TBC1D12: variants seen among roughly 807,000 people sequenced by gnomAD.
TBC1D12 encodes TBC1 domain family, member 12.
Under a neutral mutation model 86.7 loss-of-function variants are expected in TBC1D12, and 56 were observed. The observed-to-expected ratio is 0.65, with a 90% confidence interval of 0.52 to 0.81. The LOEUF is 0.81. Among genes scored for constraint, TBC1D12 ranks in the 30% least tolerant of loss-of-function variants. The pLI, the probability that TBC1D12 is intolerant of heterozygous loss-of-function variation, is 0.00. For synonymous variants in TBC1D12, 421 were observed against 411.7 expected (o/e 1.02, Z -0.27); for missense variants, 1,023 against 1,038.8 (o/e 0.98, Z 0.21).
rs774802428 is a variant in TBC1D12 at position 94,403,530 on chromosome 10, C to G, written c.917C>G (p.Ala306Gly). The G allele has an allele frequency of 1.3e-6, 2 of 1,533,146 alleles. No individual in the cohort carries two copies. Among genetic ancestry groups the G allele is most frequent in the African/African-American group, 2.9e-5 (2 of 69,528 alleles). 95.0% of individuals were successfully genotyped at this position (1,533,146 alleles called of 1,614,324 possible). Residue 306 changes from alanine (A) to glycine (G), a missense_variant, in exon 1 of 13, where the codon GCG (alanine) becomes GGG (glycine). Ala to Gly is a moderately conservative substitution (Grantham distance 60). This residue lies in a region of TBC1D12 where 628 missense variants were observed against 531.1 expected (regional missense o/e 1.18). Coordinates refer to ENST00000225235, the MANE Select transcript of TBC1D12 (RefSeq NM_015188.2). ...TTGCCCGCCGCGGAGCAGGGTCCTG[C>G]GGGGGCTTCGGCCCGGGCTCGACGG... is the stretch of plus-strand genomic sequence containing the variant. Reference protein sequence around the residue: ...VPLPAAEQGPAGASARARRSG... With the variant: ...VPLPAAEQGPGGASARARRSG...
chr10:94,482,914 GT>G (rs2134159471), intron 3 of TBC1D12, among the ~76,000 whole-genome samples: 1 of 151,832 alleles, frequency 6.6e-6, no homozygotes, highest in Admixed American at 6.6e-5. Context: ...ATATTTTTCT[GT>G]GCCTGGCTAT....
At chr10:94,407,419 C>T (rs1014705166) in intron 1 of TBC1D12, among the ~76,000 whole-genome samples, 3 of 152,158 alleles carry the variant, frequency 2.0e-5, no homozygotes, top group South Asian at 2.1e-4. Flanking sequence ...CAGTGGCTCA[C>T]GCCTGTAATC....
At chr10:94,447,721 A>T in intron 2 of TBC1D12, 1 of 977,990 alleles carries the variant, frequency 1.0e-6, no homozygotes, top group Non-Finnish European at 1.2e-6. Context: ...TATTTCAGTT[A>T]TATCGTAGTT....
intron 1 of TBC1D12, among the ~76,000 whole-genome samples, chr10:94,434,863 A>C (rs2055273328): frequency 1.3e-5 from 2 of 152,254 alleles, no homozygotes; most frequent in South Asian, 4.2e-4. Flanking sequence ...TTTGTCATTG[A>C]TCCATTCTGA....
chr10:94,513,038 G>A (rs1444093404), intron 9 of TBC1D12, among the ~76,000 whole-genome samples: 28 of 151,714 alleles, frequency 1.8e-4, no homozygotes, highest in Admixed American at 1.8e-3. Context: ...TCCATATTCA[G>A]GAGTTCGAGA....
At chr10:94,495,090 C>G (rs979834376) in intron 4 of TBC1D12, among the ~76,000 whole-genome samples, 10 of 151,190 alleles carry the variant, frequency 6.6e-5, no homozygotes, top group African/African-American at 2.4e-4. Flanking sequence ...GTGGCGCAAT[C>G]TCGGCTCACT....
chr10:94,434,432 G>A (rs1316572552), intron 1 of TBC1D12, among the ~76,000 whole-genome samples: 1 of 151,134 alleles, frequency 6.6e-6, no homozygotes, highest in African/African-American at 2.4e-5. Flanking sequence ...CTTGAACCCG[G>A]GAGATGGAGG....
At chr10:94,443,182 C>T (rs1452390087) in intron 2 of TBC1D12, among the ~76,000 whole-genome samples, 1 of 152,124 alleles carries the variant, frequency 6.6e-6, no homozygotes, top group African/African-American at 2.4e-5. Context: ...AAGCATAAGA[C>T]AAACAGAAGT....
intron 3 of TBC1D12, among the ~76,000 whole-genome samples, chr10:94,480,045 G>T (rs921840969): frequency 2.0e-5 from 3 of 152,126 alleles, no homozygotes; most frequent in African/African-American, 4.8e-5. Context: ...TCCACTAATC[G>T]CCTGACCTCT....
chr10:94,402,554 G>A lies in TBC1D12; in HGVS notation c.-60G>A. 2 of 1,587,966 alleles carry A rather than the reference G, an allele frequency of 1.3e-6. No homozygotes were observed. Among genetic ancestry groups the A allele is most frequent in the South Asian group, 1.1e-5 (1 of 88,062 alleles). ...GCCCCAGCACCCAGAGCTGTTCTCT[G>A]GCCAAGCCTGCGCCTGTAGTCCTTC... On this transcript the variant is annotated 5_prime_UTR_variant, in exon 1 of 13. Transcript: ENST00000225235.
rs756550254 is a variant in TBC1D12, at chr10:94,403,040, G to C, written c.427G>C (p.Gly143Arg). Residue 143 changes from glycine (G) to arginine (R), a missense_variant, in exon 1 of 13, where the codon GGC becomes CGC. Transcript: ENST00000225235. ...CAACGGCGACTCGGGTTTTCTGCCG[G>C]GCCGGGACTGTCGCGATCTGGAAGA... is the stretch of plus-strand genomic sequence containing the variant. ...MTNGDSGFLPGRDCRDLEEAR... is the reference protein window; with the variant it reads ...MTNGDSGFLPRRDCRDLEEAR... 1 of 1,564,800 alleles carries C rather than the reference G, an allele frequency of 6.4e-7. No homozygotes were observed. Among genetic ancestry groups the C allele is most frequent in the Non-Finnish European group, 8.6e-7 (1 of 1,160,136 alleles).
At chr10:94,500,019 C>T (rs1236873669) in intron 5 of TBC1D12, among the ~76,000 whole-genome samples, 4 of 152,042 alleles carry the variant, frequency 2.6e-5, no homozygotes, top group African/African-American at 9.7e-5. Flanking sequence ...TTACTGTTGC[C>T]CCTTTGGGAT....
intron 1 of TBC1D12, among the ~76,000 whole-genome samples, chr10:94,441,358 A>G (rs2055378737): frequency 6.6e-6 from 1 of 152,046 alleles, no homozygotes; most frequent in Non-Finnish European, 1.5e-5. Context: ...CAAATATTGT[A>G]TTACTTAATC....
intron 4 of TBC1D12, 65 bp downstream of exon 4, chr10:94,493,512 C>A (rs2056274437): frequency 8.7e-7 from 1 of 1,153,722 alleles, no homozygotes; most frequent in South Asian, 1.3e-5. Flanking sequence ...TGGTAAAATT[C>A]ATCAAGTCTG....
At chr10:94,465,746 A>G (rs139149389) in intron 2 of TBC1D12, among the ~76,000 whole-genome samples, 3,241 of 151,230 alleles carry the variant, frequency 0.021, 118 homozygotes, top group African/African-American at 0.073. Flanking sequence ...GTATACATAC[A>G]TACATATGTA....
intron 1 of TBC1D12, among the ~76,000 whole-genome samples, chr10:94,437,418 T>C (rs1016356939): frequency 1.3e-5 from 2 of 151,934 alleles, no homozygotes; most frequent in African/African-American, 4.8e-5. Flanking sequence ...CTCCGCCTCC[T>C]GGGTTCACAC....
chr10:94,444,750 G>C, intron 2 of TBC1D12, among the ~76,000 whole-genome samples: 1 of 71,914 alleles, frequency 1.4e-5, no homozygotes, highest in Middle Eastern at 0.014. Context: ...TTTTTTTTTT[G>C]AGACGGAGTC....
intron 6 of TBC1D12, among the ~76,000 whole-genome samples, chr10:94,502,826 AT>A (rs1350668221): frequency 6.6e-6 from 1 of 152,180 alleles, no homozygotes; most frequent in Admixed American, 6.5e-5. Flanking sequence ...TACTTCTAAA[AT>A]TTTTCTTTTT....
chr10:94,480,834 G>A (rs995494247), intron 3 of TBC1D12, among the ~76,000 whole-genome samples: 4 of 150,430 alleles, frequency 2.7e-5, no homozygotes, highest in African/African-American at 7.3e-5. Context: ...CCATGATCAC[G>A]CCACTGCACT....
Sources: allele counts gnomAD v4.1 joint callset (sites outside exome capture counted in the v4.1 genomes callset), GRCh38; gene constraint gnomAD v4.1.1; regional missense constraint gnomAD v4.1.1; transcripts MANE v1.5; gene names NCBI Gene and HGNC (gene_info 2026-07-23, HGNC 2026-07-21).